Variants in HTR4 observed in about 807,000 individuals in gnomAD.
The protein encoded by HTR4 is 5-hydroxytryptamine receptor 4, also known as 5-hydroxytryptamine (serotonin) receptor 4, G protein-coupled.
HTR4 carries 16 observed loss-of-function variants against 36.8 expected under a neutral mutation model. That is an observed-to-expected ratio of 0.43 (90% CI 0.29 to 0.66). The LOEUF (loss-of-function observed/expected upper bound fraction) is 0.66. Ranked by LOEUF, HTR4 falls within the 30% of genes least tolerant of loss-of-function variation. The probability of loss-of-function intolerance (pLI) is 0.13; values close to 1 mark genes in which losing one functional copy is unlikely to be tolerated. For synonymous variants in HTR4, 189 were observed against 185.1 expected, an observed-to-expected ratio of 1.02 and a Z score of -0.17; for missense variants, 438 against 490.9, an observed-to-expected ratio of 0.89 and a Z score of 1.02.
chr5:148,457,680 T>G (rs1183353493), intron 5 of HTR4, among the ~76,000 whole-genome samples: 3 of 145,222 alleles, frequency 2.1e-5, no homozygotes, highest in Non-Finnish European at 4.5e-5. Context: ...AATATATCAT[T>G]AAAATATATT....
intron 4 of HTR4, among the ~76,000 whole-genome samples, chr5:148,543,027 T>C (rs1388795313): frequency 6.6e-6 from 1 of 152,180 alleles, no homozygotes; most frequent in African/African-American, 2.4e-5. Context: ...ACTGGTTAAG[T>C]GAAGAGTGTT....
chr5:148,592,966 C>T lies in HTR4; in HGVS notation c.27-42704G>A, dbSNP rs570903973. On this transcript the variant is annotated intron_variant, in intron 2 of 6. Transcript: ENST00000377888. ...TTTTCTCTTTAGAAGCTGTATTTGGCTACATTGGTTTATTCTTCATCATAA... is the reference window on the plus strand; with the variant it reads ...TTTTCTCTTTAGAAGCTGTATTTGGTTACATTGGTTTATTCTTCATCATAA... 2.0e-5 allele frequency among the ~76,000 whole-genome samples: 3 copies of T among 152,180 alleles called. No homozygotes were observed. In the East Asian group the frequency reaches 5.8e-4, roughly 29 times the overall value.
chr5:148,482,737 T>C lies in HTR4; in HGVS notation c.*466A>G. ...GCTGTGACGGACGTGACCAAGCAAG[T>C]AAGCAAGACAGGAGCGACGCCTCTG... On this transcript the variant is annotated 3_prime_UTR_variant, in exon 7 of 7. Coordinates refer to ENST00000377888, the MANE Select transcript of HTR4 (RefSeq NM_000870.7). 1 of 1,011,300 alleles carries C rather than the reference T, an allele frequency of 9.9e-7. No homozygotes were observed. The highest frequency in any genetic ancestry group is 1.2e-6 in the Non-Finnish European group (1 of 843,848). The allele number at this position is 1,011,300 out of a possible 1,614,324, so 62.6% of individuals were successfully genotyped here. A position where few individuals can be genotyped will look rare whatever the true frequency, so the allele number is the denominator to read the frequency against.
intron 5 of HTR4, among the ~76,000 whole-genome samples, chr5:148,469,631 T>C (rs1027289646): frequency 2.0e-5 from 3 of 152,196 alleles, no homozygotes; most frequent in Non-Finnish European, 4.4e-5. Flanking sequence ...CTAGGCTTGG[T>C]CATCAGCAGT....
At chr5:148,610,644 C>A (rs1009901530) in intron 2 of HTR4, among the ~76,000 whole-genome samples, 1 of 152,062 alleles carries the variant, frequency 6.6e-6, no homozygotes, top group African/African-American at 2.4e-5. Context: ...AGGAACGCAG[C>A]TCCTCACCAG....
intron 1 of HTR4, among the ~76,000 whole-genome samples, chr5:148,651,186 C>A (rs1344991932): frequency 6.6e-6 from 1 of 152,132 alleles, no homozygotes; most frequent in Non-Finnish European, 1.5e-5. Flanking sequence ...ATATCAAGGT[C>A]TAGATTAATG....
intron 6 of HTR4, among the ~76,000 whole-genome samples, chr5:148,488,025 T>C (rs1354758580): frequency 6.6e-6 from 1 of 152,180 alleles, no homozygotes; most frequent in Non-Finnish European, 1.5e-5. Context: ...GTGCTTTTCA[T>C]GTGATGAGAA....
intron 2 of HTR4, among the ~76,000 whole-genome samples, chr5:148,592,970 A>G (rs538495294): frequency 6.2e-4 from 95 of 152,176 alleles, no homozygotes; most frequent in Non-Finnish European, 1.3e-3. Flanking sequence ...ATTTGGCTAC[A>G]TTGGTTTATT....
At chr5:148,611,475 G>A (rs1193254503) in intron 2 of HTR4, among the ~76,000 whole-genome samples, 4 of 131,482 alleles carry the variant, frequency 3.0e-5, no homozygotes, top group Non-Finnish European at 1.6e-5. Context: ...ACAAGCAAAT[G>A]CTGAGAGATT....
intron 5 of HTR4, among the ~76,000 whole-genome samples, chr5:148,522,490 T>G (rs1333121921): frequency 6.6e-6 from 1 of 152,210 alleles, no homozygotes; most frequent in Non-Finnish European, 1.5e-5. Flanking sequence ...GAAATAACTA[T>G]ACTTTCCCCA....
chr5:148,607,282 G>C (rs557047409), intron 2 of HTR4, among the ~76,000 whole-genome samples: 1 of 152,116 alleles, frequency 6.6e-6, no homozygotes, highest in South Asian at 2.1e-4. Context: ...TGCTTAGGGG[G>C]GAAAAATGTA....
intron 6 of HTR4, among the ~76,000 whole-genome samples, chr5:148,490,183 ATG>A (rs575869007): frequency 6.8e-6 from 1 of 148,096 alleles, no homozygotes; most frequent in African/African-American, 2.5e-5. Context: ...ATATATATGT[ATG>A]TGTGTGTGTA....
At chr5:148,506,958 C>T (rs1442303295) in intron 6 of HTR4, among the ~76,000 whole-genome samples, 1 of 152,174 alleles carries the variant, frequency 6.6e-6, no homozygotes, top group Admixed American at 6.5e-5. Flanking sequence ...TTGTGGAAGA[C>T]AGTGTGGCGA....
chr5:148,503,118 T>A (rs1402480502), intron 6 of HTR4, among the ~76,000 whole-genome samples: 1 of 152,114 alleles, frequency 6.6e-6, no homozygotes, highest in Admixed American at 6.5e-5. Context: ...CAGGCCAACA[T>A]TTGAATTCAG....
chr5:148,498,329 T>C (rs1164897616), intron 6 of HTR4, among the ~76,000 whole-genome samples: 1 of 152,178 alleles, frequency 6.6e-6, no homozygotes, highest in East Asian at 1.9e-4. Context: ...ATGAACTGGG[T>C]CTTCTCAATG....
chr5:148,548,633 A>G, intron 4 of HTR4, 35 bp downstream of exon 4: 1 of 1,513,388 alleles, frequency 6.6e-7, no homozygotes, highest in South Asian at 1.2e-5. Context: ...TGTCTCCAGC[A>G]TGGAGCTCCG....
intron 2 of HTR4, chr5:148,629,866 G>A (rs192962904): frequency 7.2e-5 from 11 of 152,228 alleles, no homozygotes; most frequent in African/African-American, 9.6e-5. Flanking sequence ...ATCAATGAGA[G>A]CCAGAAGCCT....
Position 148,509,914 on chromosome 5 carries a change from G to A in HTR4, c.618C>T (p.Leu206=), listed in dbSNP as rs1236660790. Residue 206 remains leucine (L), a synonymous_variant, in exon 6 of 7, where the codon CTC becomes CTT. Coordinates refer to ENST00000377888, the MANE Select transcript of HTR4 (RefSeq NM_000870.7). The stretch of plus-strand genomic sequence containing the variant: ...TGCGGTAATAGGCCAGCACCATGAG[G>A]AGAAATGGGATGTAGAAGGCCACCA... The part of the protein sequence containing the change: ...CSVVAFYIPF[L]LMVLAYYRIY... 2 of 1,613,910 alleles carry A rather than the reference G, an allele frequency of 1.2e-6. No homozygotes were observed. Among genetic ancestry groups the A allele is most frequent in the East Asian group, 2.2e-5 (1 of 44,856 alleles).
chr5:148,641,761 T>C (rs1340257095), intron 1 of HTR4, among the ~76,000 whole-genome samples: 1 of 152,184 alleles, frequency 6.6e-6, no homozygotes, highest in Non-Finnish European at 1.5e-5. Flanking sequence ...CTTCACAAGT[T>C]TTAAGTGCAA....
Sources: gnomAD v4.1 joint callset for allele counts (sites outside exome capture counted in the v4.1 genomes callset) on GRCh38, gnomAD v4.1.1 for gene constraint, MANE v1.5 for transcripts, NCBI Gene and HGNC (gene_info 2026-07-23, HGNC 2026-07-21) for gene names.